The following ITGA7 variants were observed in gnomAD, a reference collection of about 807,000 sequenced individuals.
ITGA7 encodes the protein integrin subunit alpha 7.
Under a neutral mutation model 131.6 loss-of-function variants are expected in ITGA7, and 84 were observed. That is an observed-to-expected ratio of 0.64 (90% CI 0.54 to 0.77). The LOEUF (loss-of-function observed/expected upper bound fraction) is 0.77. Among genes scored for constraint, ITGA7 ranks in the 30% least tolerant of loss-of-function variants. ITGA7 has a pLI of 0.00. For synonymous variants in ITGA7, 548 were observed against 600.7 expected (o/e 0.91, Z 1.28); for missense variants, 1,399 against 1,482.9 (o/e 0.94, Z 0.93).
upstream of ITGA7, among the ~76,000 whole-genome samples, chr12:55,713,468 G>A (rs954793600): frequency 6.6e-6 from 1 of 152,236 alleles, no homozygotes; most frequent in African/African-American, 2.4e-5. Flanking sequence ...TCTGGAGTCA[G>A]ATAGCCTGGA....
At chr12:55,689,920 T>C (rs1871063313) in intron 21 of ITGA7, among the ~76,000 whole-genome samples, 1 of 152,226 alleles carries the variant, frequency 6.6e-6, no homozygotes, top group African/African-American at 2.4e-5. Flanking sequence ...GCTAGCCATA[T>C]GTAGAAAGCT....
chr12:55,706,195 T>C (rs1261951753), intron 1 of ITGA7, among the ~76,000 whole-genome samples: 2 of 152,102 alleles, frequency 1.3e-5, no homozygotes, highest in Non-Finnish European at 2.9e-5. Context: ...CCTCGAACTC[T>C]GACAGATGGA....
At chr12:55,697,354 T>C (rs1872858002) in intron 10 of ITGA7, 77 bp from the exon 11 acceptor site, 1 of 1,574,578 alleles carries the variant, frequency 6.4e-7, no homozygotes, top group Admixed American at 1.8e-5. Flanking sequence ...ATCTGTCACA[T>C]CCTGTCACAG....
In ITGA7 at chr12:55,688,231, T is replaced by C. The variant is rs1237532023; in HGVS notation, c.3028A>G (p.Asn1010Asp). The C allele has an allele frequency of 1.2e-6, 2 of 1,614,024 alleles. No individual in the cohort carries two copies. The highest frequency in any genetic ancestry group is 2.2e-5 in the South Asian group (2 of 91,064). ...GTGGAGGCATCTCGGAGCATCAAGT[T>C]CTTTATGGAGGACTTCACTGTGATG... ...ANITVKSSIK[N>D]LMLRDASTVI... Residue 1010 changes from asparagine to aspartate, a missense_variant, in exon 23 of 25, where the codon AAC becomes GAC. Asn to Asp is a conservative substitution (Grantham distance 23, BLOSUM62 1). Transcript: ENST00000257879.
upstream of ITGA7, among the ~76,000 whole-genome samples, chr12:55,711,241 A>G (rs1876082217): frequency 6.6e-6 from 1 of 152,128 alleles, no homozygotes; most frequent in Non-Finnish European, 1.5e-5. Flanking sequence ...GCACTTTGGG[A>G]GGGAGGGAGG....
upstream of ITGA7, among the ~76,000 whole-genome samples, chr12:55,713,535 G>A (rs748979037): frequency 1.3e-5 from 2 of 152,160 alleles, no homozygotes; most frequent in Non-Finnish European, 2.9e-5. Context: ...TTGTACCTCA[G>A]ATTCTTCATC....
chr12:55,699,999 G>A lies in ITGA7; in HGVS notation c.671-10C>T, dbSNP rs1355243416. ...GTCACAAAAAGCAACCCTGTGGGGGGTGGGGTGAGACACCAGGGAGGGGAC... is the reference window on the plus strand; with the variant it reads ...GTCACAAAAAGCAACCCTGTGGGGGATGGGGTGAGACACCAGGGAGGGGAC... On this transcript the variant is annotated splice_polypyrimidine_tract_variant and intron_variant, in intron 4 of 24. Transcript: ENST00000257879. The A allele has an allele frequency of 8.1e-6, 13 of 1,614,044 alleles. No individual in the cohort carries two copies. Among genetic ancestry groups the A allele is most frequent in the Non-Finnish European group, 1.1e-5 (13 of 1,179,946 alleles).
Position 55,695,575 on chromosome 12 carries a change from G to A in ITGA7, c.1950C>T (p.Val650=), listed in dbSNP as rs780521722. 6.2e-7 allele frequency: 1 copy of A among 1,614,010 alleles called. No homozygotes were observed. Among genetic ancestry groups the A allele is most frequent in the East Asian group, 2.2e-5 (1 of 44,866 alleles). The stretch of plus-strand genomic sequence containing the variant: ...TGACCCGGGTACAGAAGCGGGCGCG[G>A]ACCAGCTGCAGATTGCTCTGGCAGA... The part of the protein sequence containing the change: ...DKICQSNLQL[V]RARFCTRVSD... Residue 650 remains valine (V), a synonymous_variant, in exon 14 of 25, where the codon GTC becomes GTT. Transcript: ENST00000257879.
At chr12:55,695,701 A>G in intron 13 of ITGA7, 64 bp from the exon 14 acceptor site, 1 of 1,072,438 alleles carries the variant, frequency 9.3e-7, no homozygotes, top group Non-Finnish European at 1.5e-6. Flanking sequence ...ACCTGTCACC[A>G]TGGCATATGG....
chr12:55,711,915 G>C, upstream of ITGA7: 1 of 684,602 alleles, frequency 1.5e-6, no homozygotes, highest in Admixed American at 2.3e-5. Context: ...GTTGTCTCTA[G>C]CTTACAAGCA....
At chr12:55,688,181 T>C in intron 23 of ITGA7, 21 bp downstream of exon 23, 1 of 1,613,312 alleles carries the variant, frequency 6.2e-7, no homozygotes, top group South Asian at 1.1e-5. Context: ...TCCCCACCTA[T>C]CCCCCAACCC....
intron 24 of ITGA7, 30 bp from the exon 25 acceptor site, chr12:55,685,318 A>C: frequency 6.2e-7 from 1 of 1,600,010 alleles, no homozygotes; most frequent in Non-Finnish European, 8.6e-7. Context: ...GACCATGAGG[A>C]GCCTGAAGAG....
intron 1 of ITGA7, among the ~76,000 whole-genome samples, chr12:55,707,068 C>A (rs1401911124): frequency 1.3e-5 from 2 of 152,206 alleles, no homozygotes; most frequent in African/African-American, 4.8e-5. Context: ...TCTCATGGCA[C>A]CCTCAACTTC....
chr12:55,687,908 A>G lies in ITGA7; in HGVS notation c.3183+63T>C, dbSNP rs150677103. On this transcript the variant is annotated intron_variant, in intron 24 of 24. Transcript: ENST00000257879. ...TGTGTGGGTGGGTGACAGAACCACA[A>G]TACAAAATGCTGCTCACCCAACCAG... 1,072 of 1,610,708 alleles carry G rather than the reference A, an allele frequency of 6.7e-4. 14 individuals carry two copies. The Admixed American group carries it at 0.014, about 21-fold the overall frequency.
At chr12:55,692,716 C>G (rs1565617173) in intron 21 of ITGA7, 128 bp downstream of exon 21, 14 of 1,254,894 alleles carry the variant, frequency 1.1e-5, no homozygotes, top group Middle Eastern at 2.6e-4. Context: ...CCGGGCACCC[C>G]CTCCTATGAA....
Position 55,700,842 on chromosome 12 carries a change from T to C in ITGA7, c.670+57A>G, listed in dbSNP as rs562449357. On this transcript the variant is annotated intron_variant, in intron 4 of 24. Transcript: ENST00000257879. ...TGGCCATGTGCCATCCCCAACCCTG[T>C]CTCTGAGGTAAGAGGAGGTTTTGGT... The C allele has an allele frequency of 3.4e-5, 55 of 1,611,014 alleles. No individual in the cohort carries two copies. The South Asian group carries it at 5.6e-4, about 16-fold the overall frequency.
At chr12:55,695,993 T>C (rs1277545042) in intron 13 of ITGA7, among the ~76,000 whole-genome samples, 1 of 152,288 alleles carries the variant, frequency 6.6e-6, no homozygotes, top group South Asian at 2.1e-4. Context: ...AGGGGCCTCA[T>C]GTTCTCCCTT....
intron 4 of ITGA7, chr12:55,700,446 A>G: frequency 1.9e-6 from 3 of 1,563,470 alleles, no homozygotes; most frequent in Non-Finnish European, 2.6e-6. Flanking sequence ...AACACCCCTC[A>G]GGCCGGACAC....
chr12:55,697,160 AC>A (rs138613397), intron 11 of ITGA7, 55 bp downstream of exon 11: 4 of 1,569,254 alleles, frequency 2.5e-6, no homozygotes, highest in South Asian at 1.2e-5. Flanking sequence ...CCTCGAAGTG[AC>A]CCCCCTCCCT....
Sources: allele counts gnomAD v4.1 joint callset (sites outside exome capture counted in the v4.1 genomes callset), GRCh38; gene constraint gnomAD v4.1.1; transcripts MANE v1.5; gene names NCBI Gene and HGNC (gene_info 2026-07-23, HGNC 2026-07-21).